Variants in PTPRN observed in about 807,000 individuals in gnomAD.
PTPRN encodes the protein receptor-type tyrosine-protein phosphatase-like N.
A neutral mutation model predicts 108.5 loss-of-function variants in PTPRN; 70 were observed. The ratio of observed to expected loss-of-function variants is 0.65; its 90% CI spans 0.53 to 0.79. The LOEUF (loss-of-function observed/expected upper bound fraction) is 0.79. Among genes scored for constraint, PTPRN ranks in the 30% least tolerant of loss-of-function variants. The pLI is 0.00. For synonymous variants in PTPRN, 496 were observed against 524.6 expected (o/e 0.95, Z 0.75); for missense variants, 1,136 against 1,295.5 (o/e 0.88, Z 1.89).
Position 219,302,732 on chromosome 2 carries a change from TG to T in PTPRN, c.482del (p.Pro161GlnfsTer39), listed in dbSNP as rs1191884109. On this transcript the variant is annotated frameshift_variant, in exon 5 of 23. Coordinates refer to ENST00000295718, the MANE Select transcript of PTPRN (RefSeq NM_002846.4). LOFTEE classifies it high-confidence loss of function. ...TGGCCCCAGCTCCACCTTTGCCCAC[TG>T]GTGGTTGTGGAAGCCGATGCTGGGC... ...PAAQHRLPQP[P>X]VGKGGAGASS... The T allele has an allele frequency of 6.2e-7, 1 of 1,613,344 alleles. No individual in the cohort carries two copies. The highest frequency in any genetic ancestry group is 1.7e-5 in the Admixed American group (1 of 59,886).
intron 19 of PTPRN, 104 bp from the exon 20 acceptor site, chr2:219,291,627 T>G: frequency 8.5e-7 from 1 of 1,177,800 alleles, no homozygotes. Flanking sequence ...TCTCCCCACC[T>G]GCCCGGGGCA....
chr2:219,308,911 T>C, intron 1 of PTPRN: 1 of 1,383,822 alleles, frequency 7.2e-7, no homozygotes, highest in Non-Finnish European at 9.6e-7. Flanking sequence ...AAGTGGCTTC[T>C]CCTGTGGTCT....
At chr2:219,294,029 A>G in intron 19 of PTPRN, 3 of 490,154 alleles carry the variant, frequency 6.1e-6, no homozygotes, top group Non-Finnish European at 1.3e-5. Context: ...ACTCCTTTCG[A>G]CAGTCTTTGC....
chr2:219,302,942 G>A, intron 4 of PTPRN, 105 bp from the exon 5 acceptor site: 4 of 1,374,602 alleles, frequency 2.9e-6, no homozygotes, highest in Non-Finnish European at 3.9e-6. Flanking sequence ...TTAAGAGCAG[G>A]CCTGACCTCT....
intron 7 of PTPRN, 119 bp from the exon 8 acceptor site, chr2:219,301,096 A>C: frequency 1.0e-6 from 1 of 989,786 alleles, no homozygotes; most frequent in Non-Finnish European, 1.6e-6. Flanking sequence ...TCTTCATCTC[A>C]GTCAGTGACC....
chr2:219,305,272 T>A (rs1305922616), intron 3 of PTPRN, among the ~76,000 whole-genome samples: 1 of 151,082 alleles, frequency 6.6e-6, no homozygotes, highest in Non-Finnish European at 1.5e-5. Context: ...AGATGGAGTC[T>A]CGCTCTATCA....
chr2:219,300,080 C>A lies in PTPRN; in HGVS notation c.1341G>T (p.Lys447Asn), dbSNP rs1035561939. ...RPPVTPVLLE[K>N]KSPLGQSQPT... ...GCTGGCTCTGGCCCAGTGGGCTTTT[C>A]TTCTCTAGCAGGACAGGTGTCACAG... The change falls in exon 9 of 23, where the codon AAG (lysine) becomes AAT (asparagine). Residue 447 changes from lysine (K) to asparagine (N), a missense_variant. Transcript: ENST00000295718. 3 of 1,614,086 alleles carry A rather than the reference C, an allele frequency of 1.9e-6. No individual in the cohort carries two copies. Among genetic ancestry groups the A allele is most frequent in the Non-Finnish European group, 2.5e-6 (3 of 1,180,038 alleles).
intron 4 of PTPRN, among the ~76,000 whole-genome samples, chr2:219,303,259 C>T (rs2125096490): frequency 6.6e-6 from 1 of 152,324 alleles, no homozygotes; most frequent in Admixed American, 6.5e-5. Flanking sequence ...CTCCTCCACC[C>T]CCCACCACTA....
intron 19 of PTPRN, 80 bp downstream of exon 19, chr2:219,294,895 G>C: frequency 7.5e-7 from 1 of 1,335,072 alleles, no homozygotes; most frequent in Non-Finnish European, 9.7e-7. Context: ...CCCGACCCGG[G>C]GCTCCAGGCC....
intron 19 of PTPRN, among the ~76,000 whole-genome samples, chr2:219,294,397 G>T (rs1952124144): frequency 6.6e-6 from 1 of 151,228 alleles, no homozygotes. Flanking sequence ...AGAGGGAAAG[G>T]GTGAGGCAGA....
Position 219,297,335 on chromosome 2 carries a change from G to A in PTPRN, c.1986C>T (p.Ser662=), listed in dbSNP as rs141204336. 2.7e-4 allele frequency: 442 copies of A among 1,613,816 alleles called. No individual in the cohort carries two copies. Among genetic ancestry groups the A allele is most frequent in the Non-Finnish European group, 3.4e-4 (400 of 1,180,042 alleles). The change falls in exon 14 of 23, where the codon AGC becomes AGT. Residue 662 remains serine (S), a synonymous_variant. Coordinates refer to ENST00000295718, the MANE Select transcript of PTPRN (RefSeq NM_002846.4). This position sits in a 1 kb window ranked among gnomAD's most constrained non-coding sequence, Gnocchi z 6.0. ...AGCTGGGGCTGGCCTGGGCTGCGTC[G>A]CTGAACTGGGAGGACACACTGCTCA... is the stretch of plus-strand genomic sequence containing the variant. The part of the protein sequence containing the change: ...SRVSSVSSQF[S]DAAQASPSSH...
chr2:219,302,750 A>C lies in PTPRN; in HGVS notation c.465T>G (p.His155Gln). 1 of 1,613,654 alleles carries C rather than the reference A, an allele frequency of 6.2e-7. No homozygotes were observed. Residue 155 changes from histidine (H) to glutamine (Q), a missense_variant, in exon 5 of 23, where the codon CAT becomes CAG. Physicochemically the swap from His to Gln is conservative, Grantham distance 24. Transcript: ENST00000295718. ...TGCCCACTGGTGGTTGTGGAAGCCGATGCTGGGCAGCAGGGGCGGAGCCAG... is the reference window on the plus strand; with the variant it reads ...TGCCCACTGGTGGTTGTGGAAGCCGCTGCTGGGCAGCAGGGGCGGAGCCAG... ...IPTGSAPAAQ[H>Q]RLPQPPVGKG...
Position 219,296,624 on chromosome 2 carries a change from G to C in PTPRN, c.2311-108C>G. 1 of 1,559,726 alleles carries C rather than the reference G, an allele frequency of 6.4e-7. No individual in the cohort carries two copies. Among genetic ancestry groups the C allele is most frequent in the Non-Finnish European group, 8.8e-7 (1 of 1,136,902 alleles). On this transcript the variant is annotated intron_variant, in intron 16 of 22. Coordinates refer to ENST00000295718, the MANE Select transcript of PTPRN (RefSeq NM_002846.4). The surrounding 1 kb of genome is among the most constrained non-coding windows in gnomAD (Gnocchi z 6.0). ...CTGAGAAGGCTGGCAGTTCCCCCTT[G>C]CTAGGATATCAGGCCCCACCACTCC...
At chr2:219,301,808 C>T in intron 6 of PTPRN, 89 bp from the exon 7 acceptor site, 1 of 1,442,628 alleles carries the variant, frequency 6.9e-7, no homozygotes. Context: ...AAGGGACTAG[C>T]ATGTTAAGAG....
Position 219,307,557 on chromosome 2 carries a change from T to C in PTPRN, c.167A>G (p.Asp56Gly). ...LCSHLEVCIQ[D>G]GLFGQCQVGV... Reference sequence around the variant, plus strand: ...CACCTGGCACTGCCCAAACAAGCCATCTAAGGGCACAAAAGTGGTGTCAGC... The same window carrying C: ...CACCTGGCACTGCCCAAACAAGCCACCTAAGGGCACAAAAGTGGTGTCAGC... The change falls in exon 3 of 23, where the codon GAT (aspartate) becomes GGT (glycine). Residue 56 changes from aspartate to glycine, a missense_variant and splice_region_variant. By Grantham distance (94) the Asp-to-Gly change is moderately conservative (BLOSUM62 -1). Coordinates refer to ENST00000295718, the MANE Select transcript of PTPRN (RefSeq NM_002846.4). 6.2e-7 allele frequency: 1 copy of C among 1,613,442 alleles called. No individual in the cohort carries two copies. The highest frequency in any genetic ancestry group is 8.5e-7 in the Non-Finnish European group (1 of 1,179,722).
At chr2:219,309,021 G>A (rs1952557096) in intron 1 of PTPRN, 197 bp downstream of exon 1, 2 of 1,334,452 alleles carry the variant, frequency 1.5e-6, no homozygotes, top group Non-Finnish European at 9.8e-7. Context: ...TCCCGCCCCC[G>A]TATTCCCAGC....
rs1250610879 is a variant in PTPRN, at chr2:219,307,430, C to A, written c.280+14G>T. 6.2e-7 allele frequency: 1 copy of A among 1,605,490 alleles called. No homozygotes were observed. Among genetic ancestry groups the A allele is most frequent in the South Asian group, 1.1e-5 (1 of 90,622 alleles). ...AAGTTCCAATCTCTCTCCTCCAGTG[C>A]ACCCAGACCTTACCTTGGGACATGA... On this transcript the variant is annotated intron_variant, in intron 3 of 22. Transcript: ENST00000295718.
At chr2:219,304,497 A>T (rs1459891326) in intron 3 of PTPRN, among the ~76,000 whole-genome samples, 10 of 152,174 alleles carry the variant, frequency 6.6e-5, no homozygotes, top group Non-Finnish European at 1.5e-4. Context: ...CCCCCAAAAA[A>T]ACTCTGCTCT....
At chr2:219,305,522 TG>T (rs1323220581) in intron 3 of PTPRN, among the ~76,000 whole-genome samples, 1 of 152,188 alleles carries the variant, frequency 6.6e-6, no homozygotes, top group African/African-American at 2.4e-5. Flanking sequence ...ATTATAGGTG[TG>T]AGCCACTATA....
Sources: gnomAD v4.1 joint callset for allele counts (sites outside exome capture counted in the v4.1 genomes callset) on GRCh38, gnomAD v4.1.1 for gene constraint, Gnocchi (gnomAD v3.1) non-coding constraint, MANE v1.5 for transcripts, NCBI Gene and HGNC (gene_info 2026-07-23, HGNC 2026-07-21) for gene names.